CNTN6: variants seen among roughly 807,000 people sequenced by gnomAD.
CNTN6 encodes the protein contactin-6.
In CNTN6, 137 loss-of-function variants were observed where a neutral mutation model predicts 122.8. That is an observed-to-expected ratio of 1.12 (90% CI 0.97 to 1.29). CNTN6 has a LOEUF of 1.29. Among genes scored for constraint, CNTN6 ranks in the 50% most tolerant of loss-of-function variants. The probability of loss-of-function intolerance (pLI) is 0.00; values close to 1 mark genes in which losing one functional copy is unlikely to be tolerated. For synonymous variants in CNTN6, 570 were observed against 426.0 expected, an observed-to-expected ratio of 1.34 and a Z score of -4.16; for missense variants, 1,634 against 1,223.4, an observed-to-expected ratio of 1.34 and a Z score of -5.01.
chr3:1,310,544 G>C (rs1699063489), intron 7 of CNTN6, among the ~76,000 whole-genome samples: 1 of 152,044 alleles, frequency 6.6e-6, no homozygotes, highest in South Asian at 2.1e-4. Context: ...TTTTCCATTT[G>C]TATTAATGAA....
intron 1 of CNTN6, among the ~76,000 whole-genome samples, chr3:1,111,528 G>C (rs1391729265): frequency 6.6e-6 from 1 of 152,052 alleles, no homozygotes; most frequent in African/African-American, 2.4e-5. Context: ...CAAAATTAAC[G>C]CATTTTACCA....
chr3:1,381,397 C>G (rs549966781), intron 17 of CNTN6, among the ~76,000 whole-genome samples: 8 of 152,118 alleles, frequency 5.3e-5, no homozygotes, highest in Non-Finnish European at 1.2e-4. Flanking sequence ...TTAGACTGTT[C>G]CACATGGCAA....
At chr3:1,289,238 G>A (rs1262924796) in intron 5 of CNTN6, among the ~76,000 whole-genome samples, 1 of 152,080 alleles carries the variant, frequency 6.6e-6, no homozygotes. Context: ...GGCTGATGCT[G>A]GAACAAAATA....
chr3:1,233,474 G>A (rs926515935), intron 4 of CNTN6, among the ~76,000 whole-genome samples: 13 of 152,174 alleles, frequency 8.5e-5, no homozygotes, highest in African/African-American at 2.9e-4. Context: ...GGTGGCTCAC[G>A]CCTGTAATCC....
intron 1 of CNTN6, among the ~76,000 whole-genome samples, chr3:1,115,181 A>G (rs1029369892): frequency 6.6e-6 from 1 of 152,186 alleles, no homozygotes. Flanking sequence ...TAGGCTCTTA[A>G]ATACCCATGT....
intron 1 of CNTN6, among the ~76,000 whole-genome samples, chr3:1,115,313 A>T (rs2091670495): frequency 6.6e-6 from 1 of 152,196 alleles, no homozygotes; most frequent in Non-Finnish European, 1.5e-5. Flanking sequence ...ATCACATTTG[A>T]GGAGTCCTCA....
At chr3:1,103,112 T>TA (rs1284678827) in intron 1 of CNTN6, among the ~76,000 whole-genome samples, 1 of 151,258 alleles carries the variant, frequency 6.6e-6, no homozygotes, top group African/African-American at 2.4e-5. Context: ...TCTCAAAAAA[T>TA]AAAAATAAAA....
At chr3:1,385,020 T>A (rs1179772127) in intron 19 of CNTN6, among the ~76,000 whole-genome samples, 1 of 151,998 alleles carries the variant, frequency 6.6e-6, no homozygotes, top group South Asian at 2.1e-4. Context: ...TTGTAGCATA[T>A]TTTTTCTATA....
chr3:1,179,116 G>A (rs372966641), intron 2 of CNTN6, among the ~76,000 whole-genome samples: 5 of 152,056 alleles, frequency 3.3e-5, no homozygotes, highest in African/African-American at 1.2e-4. Context: ...AAAAGAGGGA[G>A]CAAGAATGAC....
chr3:1,155,053 C>T (rs1433456217), intron 2 of CNTN6, among the ~76,000 whole-genome samples: 1 of 152,156 alleles, frequency 6.6e-6, no homozygotes, highest in Non-Finnish European at 1.5e-5. Context: ...CCTCCATAGT[C>T]TGACGTTCCC....
At chr3:1,160,567 T>C (rs1384742061) in intron 2 of CNTN6, among the ~76,000 whole-genome samples, 1 of 151,460 alleles carries the variant, frequency 6.6e-6, no homozygotes, top group Admixed American at 6.6e-5. Context: ...ACCTTGGTGT[T>C]TTTAAAAGGA....
chr3:1,190,718 A>T (rs1441066751), intron 2 of CNTN6, among the ~76,000 whole-genome samples: 2 of 152,212 alleles, frequency 1.3e-5, no homozygotes, highest in Non-Finnish European at 2.9e-5. Flanking sequence ...GAGGGATAAT[A>T]TGAACTACCT....
At chr3:1,258,197 A>T (rs916455897) in intron 4 of CNTN6, among the ~76,000 whole-genome samples, 6 of 152,124 alleles carry the variant, frequency 3.9e-5, no homozygotes, top group African/African-American at 1.4e-4. Context: ...AAGAAAAAAA[A>T]CCTATTATTC....
intron 5 of CNTN6, 134 bp downstream of exon 5, chr3:1,278,642 G>A (rs1176284082): frequency 3.7e-6 from 2 of 535,150 alleles, no homozygotes; most frequent in Non-Finnish European, 6.7e-6. Flanking sequence ...TGCATCTACT[G>A]CATACAAATA....
At chr3:1,238,315 C>A (rs74868940) in intron 4 of CNTN6, among the ~76,000 whole-genome samples, 66 of 152,182 alleles carry the variant, frequency 4.3e-4, no homozygotes, top group Non-Finnish European at 9.0e-4. Context: ...AAACATACTT[C>A]AAAGCAACAG....
intron 11 of CNTN6, among the ~76,000 whole-genome samples, chr3:1,334,530 G>T (rs1053168745): frequency 3.9e-5 from 6 of 152,066 alleles, no homozygotes; most frequent in Non-Finnish European, 5.9e-5. Flanking sequence ...CTTAGCCCAA[G>T]GGGTTGAAAT....
chr3:1,347,806 A>G (rs1238118611), intron 11 of CNTN6, among the ~76,000 whole-genome samples: 1 of 152,234 alleles, frequency 6.6e-6, no homozygotes, highest in Admixed American at 6.5e-5. Flanking sequence ...TAAGTAGCTA[A>G]GAACACAGAC....
At chr3:1,369,836 C>T (rs1708745124) in intron 12 of CNTN6, among the ~76,000 whole-genome samples, 2 of 150,668 alleles carry the variant, frequency 1.3e-5, no homozygotes, top group Non-Finnish European at 3.0e-5. Context: ...TTTCTTGGAT[C>T]CCTGGATATC....
intron 1 of CNTN6, among the ~76,000 whole-genome samples, chr3:1,096,885 G>A (rs557962473): frequency 9.9e-5 from 15 of 152,192 alleles, no homozygotes; most frequent in East Asian, 5.8e-4. Flanking sequence ...TTTTTGCTTC[G>A]TTTTTTATCT....
Sources: gnomAD v4.1 joint callset for allele counts (sites outside exome capture counted in the v4.1 genomes callset) on GRCh38, gnomAD v4.1.1 for gene constraint, MANE v1.5 for transcripts, NCBI Gene and HGNC (gene_info 2026-07-23, HGNC 2026-07-21) for gene names.